EVC2: variants seen among roughly 807,000 people sequenced by gnomAD.
EVC2 encodes limbin.
A neutral mutation model predicts 149.3 loss-of-function variants in EVC2; 148 were observed. That is an observed-to-expected ratio of 0.99 (90% confidence interval 0.87 to 1.14). EVC2 has a LOEUF of 1.14. Among genes scored for constraint, EVC2 ranks in the 50% most tolerant of loss-of-function variants. The pLI, the probability that EVC2 is intolerant of heterozygous loss-of-function variation, is 0.00. For missense variants in EVC2, 1,854 were observed against 1,627.3 expected (o/e 1.14, Z -2.40); for synonymous variants, 776 against 649.9 (o/e 1.19, Z -2.95).
chr4:5,581,150 T>G (rs1456598885), intron 17 of EVC2, among the ~76,000 whole-genome samples: 1 of 152,254 alleles, frequency 6.6e-6, no homozygotes, highest in African/African-American at 2.4e-5. Context: ...AATTAGCTAG[T>G]CTCAGGTATT....
chr4:5,543,887 G>GCAGGCCT (rs1333480187), intron 21 of EVC2, among the ~76,000 whole-genome samples: 2 of 152,182 alleles, frequency 1.3e-5, no homozygotes, highest in Non-Finnish European at 2.9e-5. Context: ...AGAAAGGGGT[G>GCAGGCCT]CAGGCCTCAG....
chr4:5,638,632 T>C (rs1419632143), intron 10 of EVC2, among the ~76,000 whole-genome samples: 2 of 152,022 alleles, frequency 1.3e-5, no homozygotes, highest in Non-Finnish European at 2.9e-5. Flanking sequence ...TATGCCTAGA[T>C]CCTAACCTCA....
intron 16 of EVC2, among the ~76,000 whole-genome samples, chr4:5,600,852 T>C (rs1373101653): frequency 2.0e-5 from 3 of 152,168 alleles, no homozygotes; most frequent in Non-Finnish European, 4.4e-5. Flanking sequence ...CTCTCTTCCC[T>C]ACAACCAGCA....
intron 16 of EVC2, among the ~76,000 whole-genome samples, chr4:5,586,284 G>C (rs1357183349): frequency 6.6e-6 from 1 of 152,084 alleles, no homozygotes; most frequent in Non-Finnish European, 1.5e-5. Context: ...CTATAGCTCT[G>C]TTTTGTTATT....
rs1228531350 is a variant in EVC2 at position 5,584,804 on chromosome 4, T to A, written c.2876A>T (p.Gln959Leu). Residue 959 changes from glutamine to leucine, a missense_variant, in exon 17 of 22, where the codon CAG becomes CTG. Physicochemically the swap from Gln to Leu is moderately radical, Grantham distance 113. Coordinates refer to ENST00000344408, the MANE Select transcript of EVC2 (RefSeq NM_147127.5). ...AAGCGACTGTGCAAAGCCTCCCTCC[T>A]GTGCCTCCATCCGCTGCACTCTCTC... ...LRERVQRMEA[Q>L]EGGFAQSLVA... is the part of the protein sequence containing the mutation. 3.5e-5 allele frequency: 56 copies of A among 1,614,054 alleles called. No individual in the cohort carries two copies. Among genetic ancestry groups the A allele is most frequent in the Non-Finnish European group, 4.7e-5 (56 of 1,180,044 alleles).
At chr4:5,557,710 T>C (rs1328615731), downstream of EVC2, among the ~76,000 whole-genome samples, 2 of 152,098 alleles carry the variant, frequency 1.3e-5, no homozygotes, top group East Asian at 1.9e-4. Context: ...TTGGTGAGGA[T>C]AGTAAGGTTG....
At position 5,622,818 on chromosome 4, in the gene EVC2, G is replaced by T. The variant is rs1322356357; in HGVS notation, c.2220C>A (p.Thr740=). Residue 740 remains threonine (T), a synonymous_variant, in exon 14 of 22, where the codon ACC becomes ACA. Coordinates refer to ENST00000344408, the MANE Select transcript of EVC2 (RefSeq NM_147127.5). The surrounding 1 kb of genome is among the most constrained non-coding windows in gnomAD (Gnocchi z 5.8). The part of the protein sequence containing the change: ...QAALDDLRTL[T]LSLFEKATDE... ...CGGTGGCCTTTTCAAACAGCGAAAG[G>T]GTCAGGGTCCTGAGATCGTCCAGGG... is the stretch of plus-strand genomic sequence containing the variant. 6.2e-7 allele frequency: 1 copy of T among 1,614,070 alleles called. No individual in the cohort carries two copies. Among genetic ancestry groups the T allele is most frequent in the East Asian group, 2.2e-5 (1 of 44,854 alleles).
chr4:5,598,706 A>G (rs2108807356), intron 16 of EVC2, among the ~76,000 whole-genome samples: 1 of 152,340 alleles, frequency 6.6e-6, no homozygotes. Context: ...AACAAAAGCC[A>G]AAATTGACAA....
intron 20 of EVC2, among the ~76,000 whole-genome samples, chr4:5,566,643 C>A (rs1338610379): frequency 6.6e-6 from 1 of 152,172 alleles, no homozygotes; most frequent in Non-Finnish European, 1.5e-5. Flanking sequence ...CCTGGGACTC[C>A]AGAGTCATCC....
chr4:5,632,183 C>T (rs1716593967), intron 10 of EVC2, 151 bp from the exon 11 acceptor site: 2 of 1,087,444 alleles, frequency 1.8e-6, no homozygotes, highest in East Asian at 5.2e-5. Context: ...TATATACACA[C>T]ATGCGCATGC....
At chr4:5,554,554 G>A (rs1166286329) in intron 21 of EVC2, among the ~76,000 whole-genome samples, 1 of 152,162 alleles carries the variant, frequency 6.6e-6, no homozygotes, top group Non-Finnish European at 1.5e-5. Flanking sequence ...CATTGTGTAA[G>A]TCTGAAGCAT....
intron 7 of EVC2, among the ~76,000 whole-genome samples, chr4:5,676,028 C>T (rs138393917): frequency 1.3e-5 from 2 of 152,326 alleles, no homozygotes; most frequent in Non-Finnish European, 2.9e-5. Context: ...ATGTCTCTCT[C>T]TGATTAGACC....
intron 17 of EVC2, among the ~76,000 whole-genome samples, chr4:5,583,461 C>T (rs889387193): frequency 7.2e-5 from 11 of 152,160 alleles, no homozygotes; most frequent in South Asian, 2.1e-4. Context: ...TGCTCATCTA[C>T]GAAACTACTG....
chr4:5,623,106 C>G (rs1378376032), intron 13 of EVC2, 115 bp from the exon 14 acceptor site: 2 of 977,792 alleles, frequency 2.0e-6, no homozygotes, highest in African/African-American at 3.3e-5. Context: ...CCCCAACAAT[C>G]TCACATTTGG....
intron 9 of EVC2, among the ~76,000 whole-genome samples, chr4:5,662,153 G>A (rs369495760): frequency 3.9e-5 from 6 of 152,056 alleles, no homozygotes; most frequent in East Asian, 1.9e-4. Flanking sequence ...CTCACCAAAC[G>A]CACCTTGCTC....
intron 17 of EVC2, 21 bp downstream of exon 17, chr4:5,584,602 C>A: frequency 6.2e-7 from 1 of 1,608,426 alleles, no homozygotes; most frequent in African/African-American, 1.3e-5. Flanking sequence ...TCCCCCTCTC[C>A]TTCCCAGCGC....
intron 9 of EVC2, among the ~76,000 whole-genome samples, chr4:5,650,747 T>G (rs530801733): frequency 6.6e-6 from 1 of 150,756 alleles, no homozygotes; most frequent in East Asian, 2.0e-4. Flanking sequence ...AACTGAGGCA[T>G]AGAAAAATTA....
chr4:5,705,850 C>A (rs1297809965), intron 1 of EVC2, among the ~76,000 whole-genome samples: 3 of 152,018 alleles, frequency 2.0e-5, no homozygotes, highest in Non-Finnish European at 4.4e-5. Flanking sequence ...ATTCCCTGGG[C>A]CCCACCTTAA....
intron 7 of EVC2, among the ~76,000 whole-genome samples, chr4:5,674,309 A>G (rs746615951): frequency 6.6e-5 from 10 of 152,208 alleles, no homozygotes; most frequent in Non-Finnish European, 1.5e-4. Context: ...AGTAGAGAAC[A>G]CATCACACAG....
Sources: gnomAD v4.1 joint callset for allele counts (sites outside exome capture counted in the v4.1 genomes callset) on GRCh38, gnomAD v4.1.1 for gene constraint, Gnocchi (gnomAD v3.1) non-coding constraint, MANE v1.5 for transcripts, NCBI Gene and HGNC (gene_info 2026-07-23, HGNC 2026-07-21) for gene names.